ASB11: variants seen among roughly 807,000 people sequenced by gnomAD.
ASB11 encodes ankyrin repeat and SOCS box protein 11.
Under a neutral mutation model 20.1 loss-of-function variants are expected in ASB11, and 17 were observed. The ratio of observed to expected loss-of-function variants is 0.85; its 90% CI spans 0.58 to 1.27. The LOEUF (loss-of-function observed/expected upper bound fraction) is 1.27, where lower values mean the gene tolerates loss of function less well. Among genes scored for constraint, ASB11 ranks in the 50% most tolerant of loss-of-function variants. The pLI is 0.00. For missense variants in ASB11, 259 were observed against 256.9 expected (o/e 1.01, Z -0.06); for synonymous variants, 107 against 105.6 (o/e 1.01, Z -0.08).
chrX:15,308,607 C>G (rs1161392843), intron 1 of ASB11, among the ~76,000 whole-genome samples: 1 of 111,785 alleles, frequency 8.9e-6, no homozygotes, highest in Non-Finnish European at 1.9e-5. Flanking sequence ...CCTTGCTTTG[C>G]TGAATGGTAA....
intron 6 of ASB11, among the ~76,000 whole-genome samples, chrX:15,284,163 A>G (rs1277000876): frequency 9.5e-6 from 1 of 105,566 alleles, no homozygotes; most frequent in Non-Finnish European, 1.9e-5. Flanking sequence ...GAGGCAGGAG[A>G]ATGGCGTGAA....
chrX:15,288,982 A>G (rs1434751164), intron 5 of ASB11, among the ~76,000 whole-genome samples: 2 of 112,032 alleles, frequency 1.8e-5, no homozygotes, highest in African/African-American at 3.2e-5. Context: ...GTAGCAGGAT[A>G]GATATAAACT....
chrX:15,302,625 G>A, intron 2 of ASB11, 103 bp downstream of exon 2: 3 of 827,272 alleles, frequency 3.6e-6, no homozygotes, highest in South Asian at 4.7e-5. Context: ...GCAATGGTGG[G>A]ACCTGGATAG....
At chrX:15,284,251 CA>C (rs60542067) in intron 6 of ASB11, among the ~76,000 whole-genome samples, 2,317 of 72,232 alleles carry the variant, frequency 0.032, 55 homozygotes, top group African/African-American at 0.095. Flanking sequence ...GACTCCGCCT[CA>C]AAAAAAAAAA....
chrX:15,301,496 T>C (rs928419994), intron 2 of ASB11, among the ~76,000 whole-genome samples: 2 of 109,658 alleles, frequency 1.8e-5, no homozygotes. Flanking sequence ...GAAAAATACA[T>C]ACACATGCAC....
chrX:15,293,377 A>C, intron 3 of ASB11, 57 bp from the exon 4 acceptor site: 1 of 1,139,064 alleles, frequency 8.8e-7, no homozygotes, highest in Non-Finnish European at 1.2e-6. Context: ...CACCATCTCC[A>C]AGTATGTCTT....
chrX:15,284,079 C>CAT (rs1569167730), intron 6 of ASB11, among the ~76,000 whole-genome samples: 4 of 105,572 alleles, frequency 3.8e-5, no homozygotes, highest in Non-Finnish European at 5.8e-5. Flanking sequence ...GGTGAAACCC[C>CAT]GTGTCCACTA....
intron 1 of ASB11, among the ~76,000 whole-genome samples, chrX:15,306,886 C>T (rs1285612548): frequency 8.9e-6 from 1 of 111,868 alleles, no homozygotes; most frequent in Non-Finnish European, 1.9e-5. Context: ...CCTAGTTGCT[C>T]TTGGAAGTGA....
At chrX:15,312,260 A>G (rs1439685893) in intron 1 of ASB11, among the ~76,000 whole-genome samples, 1 of 109,428 alleles carries the variant, frequency 9.1e-6, no homozygotes. Flanking sequence ...ATAATAGACA[A>G]AATAAACAAA....
At chrX:15,309,705 C>T (rs1343226019) in intron 1 of ASB11, among the ~76,000 whole-genome samples, 4 of 109,707 alleles carry the variant, frequency 3.6e-5, no homozygotes, top group African/African-American at 1.0e-4. Flanking sequence ...CAGTGGCTCA[C>T]GCCTGTAATC....
chrX:15,302,785 TG>T lies in ASB11; in HGVS notation c.203del (p.Pro68HisfsTer17). On this transcript the variant is annotated frameshift_variant, in exon 2 of 7. Transcript: ENST00000480796. LOFTEE classifies it high-confidence loss of function. Reference protein sequence around the residue: ...GISDCWADRSPLHEAAAQGRL... With the variant: ...GISDCWADRSXLHEAAAQGRL... ...GCCCCTGAGCTGCAGCTTCATGAAGTGGGGATCGATCAGCCCAGCAATCTGA... is the reference window on the plus strand; with the variant it reads ...GCCCCTGAGCTGCAGCTTCATGAAGTGGGATCGATCAGCCCAGCAATCTGA... 1.7e-6 allele frequency: 2 copies of T among 1,210,753 alleles called. No homozygotes were observed. The highest frequency in any genetic ancestry group is 1.1e-6 in the Non-Finnish European group (1 of 894,934).
intron 3 of ASB11, among the ~76,000 whole-genome samples, chrX:15,295,099 G>A (rs1920955854): frequency 9.0e-6 from 1 of 111,683 alleles, no homozygotes; most frequent in African/African-American, 3.3e-5. Context: ...CTGGAGTGCA[G>A]TGGTGTGATC....
At chrX:15,305,096 GACTA>G (rs1274451784) in intron 1 of ASB11, among the ~76,000 whole-genome samples, 2 of 111,384 alleles carry the variant, frequency 1.8e-5, no homozygotes, top group Non-Finnish European at 3.8e-5. Flanking sequence ...GCAAAATAAT[GACTA>G]ACTAGAAAAG....
In ASB11 at chrX:15,289,569, C is replaced by T. The variant is rs774330290; in HGVS notation, c.590G>A (p.Gly197Glu). 1 of 1,207,187 alleles carries T rather than the reference C, an allele frequency of 8.3e-7. No individual in the cohort carries two copies. The highest frequency in any genetic ancestry group is 1.8e-5 in the African/African-American group (1 of 57,035). The change falls in exon 5 of 7, where the codon GGA (glycine) becomes GAA (glutamate). Residue 197 changes from glycine (G) to glutamate (E), a missense_variant. Coordinates refer to ENST00000480796, the MANE Select transcript of ASB11 (RefSeq NM_080873.3). Reference sequence around the variant, plus strand: ...GGTGCAGGCCACATATAGGGGAGTTCCGAGCTGAGGCACCTCATGGTCAAT... The same window carrying T: ...GGTGCAGGCCACATATAGGGGAGTTTCGAGCTGAGGCACCTCATGGTCAAT... ...VNIDHEVPQL[G>E]TPLYVACTYQ...
intron 6 of ASB11, among the ~76,000 whole-genome samples, chrX:15,283,915 C>T (rs1283225712): frequency 1.8e-5 from 2 of 111,132 alleles, no homozygotes; most frequent in Non-Finnish European, 3.8e-5. Flanking sequence ...GGTGTGGGGT[C>T]TAAAGGGAAT....
chrX:15,312,987 C>T (rs1237577108), intron 1 of ASB11, among the ~76,000 whole-genome samples: 1 of 111,012 alleles, frequency 9.0e-6, no homozygotes, highest in Non-Finnish European at 1.9e-5. Flanking sequence ...TTTTGTGGGG[C>T]GGGGGAAGAT....
At chrX:15,309,577 G>A (rs1400315127) in intron 1 of ASB11, among the ~76,000 whole-genome samples, 1 of 110,839 alleles carries the variant, frequency 9.0e-6, no homozygotes, top group Non-Finnish European at 1.9e-5. Flanking sequence ...CTGGTCCATG[G>A]AGAAATTGTC....
At chrX:15,293,519 C>T (rs1172042251) in intron 3 of ASB11, among the ~76,000 whole-genome samples, 199 bp from the exon 4 acceptor site, 2 of 112,058 alleles carry the variant, frequency 1.8e-5, no homozygotes, top group African/African-American at 6.5e-5. Flanking sequence ...ACACTTAAAA[C>T]ATTACATGTC....
chrX:15,290,650 A>G (rs986929099), intron 4 of ASB11, among the ~76,000 whole-genome samples: 9 of 111,953 alleles, frequency 8.0e-5, no homozygotes, highest in African/African-American at 2.9e-4. Context: ...GCTTGCAAAG[A>G]GTTAGTTCTC....
Sources: allele counts gnomAD v4.1 joint callset (sites outside exome capture counted in the v4.1 genomes callset), GRCh38; gene constraint gnomAD v4.1.1; transcripts MANE v1.5; gene names NCBI Gene and HGNC (gene_info 2026-07-23, HGNC 2026-07-21).